Variants in SPECC1 observed in about 807,000 individuals in gnomAD.
SPECC1 encodes cytospin-B.
A neutral mutation model predicts 104.1 loss-of-function variants in SPECC1; 62 were observed. The observed-to-expected ratio is 0.60, with a 90% CI of 0.49 to 0.74. SPECC1 has a LOEUF of 0.74. Among genes scored for constraint, SPECC1 ranks in the 30% least tolerant of loss-of-function variants. The probability of loss-of-function intolerance (pLI) is 0.00; values close to 1 mark genes in which losing one functional copy is unlikely to be tolerated. For missense variants in SPECC1, 1,306 were observed against 1,310.5 expected (o/e 1.00, Z 0.05); for synonymous variants, 513 against 501.6 (o/e 1.02, Z -0.30).
chr17:20,163,036 A>G (rs115678354), intron 3 of SPECC1, among the ~76,000 whole-genome samples: 17 of 152,346 alleles, frequency 1.1e-4, no homozygotes, highest in African/African-American at 2.9e-4. Context: ...CTCAAAAACA[A>G]AAAACAAAGT....
intron 3 of SPECC1, chr17:20,155,921 C>A (rs2032435235): frequency 8.3e-7 from 1 of 1,205,060 alleles, no homozygotes; most frequent in African/African-American, 1.6e-5. Context: ...CCGCGCCTGG[C>A]GGGCGGTGTG....
intron 1 of SPECC1, among the ~76,000 whole-genome samples, chr17:20,085,779 T>G (rs2047153020): frequency 6.7e-6 from 1 of 150,246 alleles, no homozygotes; most frequent in African/African-American, 2.5e-5. Context: ...GAACTCACGG[T>G]GCTCTGAGCA....
intron 3 of SPECC1, among the ~76,000 whole-genome samples, chr17:20,173,784 C>T (rs2034264664): frequency 6.6e-6 from 1 of 152,038 alleles, no homozygotes; most frequent in Non-Finnish European, 1.5e-5. Flanking sequence ...ATTTGCCTTA[C>T]AGTGTTTAAA....
intron 1 of SPECC1, among the ~76,000 whole-genome samples, chr17:20,060,869 C>A (rs2152471073): frequency 6.6e-6 from 1 of 152,252 alleles, no homozygotes; most frequent in African/African-American, 2.4e-5. Context: ...TAAACACGTA[C>A]ATAAACACCA....
At chr17:20,186,898 G>C (rs951170412) in intron 3 of SPECC1, among the ~76,000 whole-genome samples, 7 of 152,284 alleles carry the variant, frequency 4.6e-5, no homozygotes, top group South Asian at 2.1e-4. Context: ...ATTGTTGCCT[G>C]ATGTCCCCTG....
At chr17:20,030,073 G>A (rs2044749136) in intron 1 of SPECC1, among the ~76,000 whole-genome samples, 1 of 152,104 alleles carries the variant, frequency 6.6e-6, no homozygotes, top group Non-Finnish European at 1.5e-5. Context: ...CTTGATTGCA[G>A]GTGTTTAGCC....
At chr17:20,018,867 G>A (rs1431708093) in intron 1 of SPECC1, among the ~76,000 whole-genome samples, 7 of 152,170 alleles carry the variant, frequency 4.6e-5, no homozygotes, top group African/African-American at 1.7e-4. Context: ...CCAACACCCA[G>A]GGTTTTTATT....
At chr17:20,293,297 A>T (rs1199210168) in intron 12 of SPECC1, among the ~76,000 whole-genome samples, 2 of 152,016 alleles carry the variant, frequency 1.3e-5, no homozygotes, top group Non-Finnish European at 2.9e-5. Context: ...TCTCCATCCT[A>T]TGCATGTTCT....
intron 13 of SPECC1, among the ~76,000 whole-genome samples, chr17:20,299,268 C>T (rs1567617639): frequency 6.6e-6 from 1 of 152,070 alleles, no homozygotes; most frequent in East Asian, 1.9e-4. Flanking sequence ...AAATGTTAAA[C>T]TTGGGCCATG....
At chr17:20,021,702 A>ATATATATTTT (rs1402960712) in intron 1 of SPECC1, among the ~76,000 whole-genome samples, 93 of 139,264 alleles carry the variant, frequency 6.7e-4, no homozygotes, top group African/African-American at 2.2e-3. Context: ...ATATATATAT[A>ATATATATTTT]TTTTTTTGTA....
At chr17:20,187,510 G>A (rs979656017) in intron 3 of SPECC1, among the ~76,000 whole-genome samples, 1 of 152,170 alleles carries the variant, frequency 6.6e-6, no homozygotes, top group African/African-American at 2.4e-5. Context: ...ATAGCCATGA[G>A]GGCAGGCAGC....
intron 12 of SPECC1, among the ~76,000 whole-genome samples, chr17:20,266,959 A>C (rs2151619463): frequency 6.6e-6 from 1 of 152,208 alleles, no homozygotes; most frequent in South Asian, 2.1e-4. Flanking sequence ...GAAGTGACAC[A>C]CGGTGGTCGA....
intron 12 of SPECC1, among the ~76,000 whole-genome samples, chr17:20,281,466 T>TC (rs2040769705): frequency 6.6e-6 from 1 of 152,112 alleles, no homozygotes; most frequent in Non-Finnish European, 1.5e-5. Context: ...GGACCATGCT[T>TC]CCCTGCGGTG....
intron 2 of SPECC1, among the ~76,000 whole-genome samples, chr17:20,108,469 C>T (rs962883774): frequency 2.0e-5 from 3 of 152,012 alleles, no homozygotes; most frequent in African/African-American, 4.8e-5. Flanking sequence ...GTTCCAGCAC[C>T]CCAGAAGGTT....
At chr17:20,273,180 C>G (rs2040464565) in intron 12 of SPECC1, among the ~76,000 whole-genome samples, 1 of 152,162 alleles carries the variant, frequency 6.6e-6, no homozygotes, top group South Asian at 2.1e-4. Flanking sequence ...ATTGTGGGAC[C>G]TAATCAGAAA....
intron 1 of SPECC1, among the ~76,000 whole-genome samples, chr17:20,078,557 T>A: frequency 6.6e-6 from 1 of 152,106 alleles, no homozygotes; most frequent in East Asian, 1.9e-4. Context: ...CATAGGAAGA[T>A]GGGAACTGGC....
At chr17:20,016,912 CTT>C (rs1439147128) in intron 1 of SPECC1, among the ~76,000 whole-genome samples, 1 of 152,248 alleles carries the variant, frequency 6.6e-6, no homozygotes, top group East Asian at 1.9e-4. Context: ...ACTTGAGAAC[CTT>C]TATGTCTAGC....
chr17:20,141,026 C>G (rs1028076334), intron 3 of SPECC1, among the ~76,000 whole-genome samples: 11 of 152,182 alleles, frequency 7.2e-5, no homozygotes, highest in Non-Finnish European at 1.6e-4. Context: ...CCTTGCTTGT[C>G]TAGGCTGTGC....
chr17:20,194,502 A>ATTATTTTTTTTTTTTTTT lies in SPECC1; in HGVS notation c.284-9829_284-9828insATTTTTTTTTTTTTTTTT. ...TGTGTTCTGTTAGAAAAGAGAACGAATTTTTTTTTTTTTTTTTTTTTTTGA... is the reference window on the plus strand; with the variant it reads ...TGTGTTCTGTTAGAAAAGAGAACGAATTATTTTTTTTTTTTTTTTTTTTTTTTTTTTTTTTTTTTTTGA... On this transcript the variant is annotated intron_variant, in intron 3 of 14. Coordinates refer to ENST00000395527, the MANE Select transcript of SPECC1 (RefSeq NM_001243439.2). Among the ~76,000 whole-genome samples, 63 of 86,536 alleles carry ATTATTTTTTTTTTTTTTT rather than the reference A, an allele frequency of 7.3e-4. 10 individuals carry two copies. Among genetic ancestry groups the ATTATTTTTTTTTTTTTTT allele is most frequent in the African/African-American group, 1.2e-3 (23 of 18,738 alleles). 56.8% of individuals were successfully genotyped at this position (86,536 alleles called of 152,430 possible).
Sources: allele counts gnomAD v4.1 joint callset (sites outside exome capture counted in the v4.1 genomes callset), GRCh38; gene constraint gnomAD v4.1.1; transcripts MANE v1.5; gene names NCBI Gene and HGNC (gene_info 2026-07-23, HGNC 2026-07-21).